FGD6: variants seen among roughly 807,000 people sequenced by gnomAD.
FGD6 encodes the protein FYVE, RhoGEF and PH domain containing 6.
FGD6 carries 90 observed loss-of-function variants against 149.4 expected under a neutral mutation model. That is an observed-to-expected ratio of 0.60 (90% CI 0.51 to 0.72). The LOEUF (loss-of-function observed/expected upper bound fraction) is 0.72, where lower values mean the gene tolerates loss of function less well. Among genes scored for constraint, FGD6 ranks in the 30% least tolerant of loss-of-function variants. The pLI, the probability that FGD6 is intolerant of heterozygous loss-of-function variation, is 0.00. For synonymous variants in FGD6, 527 were observed against 584.0 expected (o/e 0.90, Z 1.41); for missense variants, 1,437 against 1,684.8 (o/e 0.85, Z 2.57).
intron 17 of FGD6, among the ~76,000 whole-genome samples, chr12:95,091,404 G>A (rs2136233423): frequency 6.6e-6 from 1 of 152,316 alleles, no homozygotes; most frequent in Admixed American, 6.5e-5. Flanking sequence ...ACTATCATGT[G>A]AAACTATAGA....
chr12:95,129,311 GCATC>G (rs71435749), intron 8 of FGD6, among the ~76,000 whole-genome samples: 1,277 of 105,348 alleles, frequency 0.012, 12 homozygotes, highest in African/African-American at 0.02. Flanking sequence ...ATGCATGCAT[GCATC>G]CATCCATCCA....
At chr12:95,216,927 T>C (rs1171007878) in intron 1 of FGD6, among the ~76,000 whole-genome samples, 1 of 152,236 alleles carries the variant, frequency 6.6e-6, no homozygotes, top group East Asian at 1.9e-4. Flanking sequence ...GTCCTCGCAC[T>C]GCTGGAGAGA....
intron 5 of FGD6, among the ~76,000 whole-genome samples, chr12:95,147,940 C>T (rs76545735): frequency 0.052 from 7,985 of 152,098 alleles, 285 homozygotes; most frequent in Non-Finnish European, 0.076. Context: ...CTCCACAAGT[C>T]CCTGAAGGCT....
At chr12:95,172,951 A>C (rs1881036358) in intron 2 of FGD6, among the ~76,000 whole-genome samples, 1 of 152,168 alleles carries the variant, frequency 6.6e-6, no homozygotes. Flanking sequence ...TGAATTTTTA[A>C]TGTTAAGAAG....
chr12:95,145,978 A>G (rs1365577837), intron 5 of FGD6, among the ~76,000 whole-genome samples: 2 of 152,084 alleles, frequency 1.3e-5, no homozygotes, highest in Admixed American at 6.6e-5. Flanking sequence ...CAGGCCCCCT[A>G]TGCCATTGTG....
chr12:95,182,257 T>C (rs1228138292), intron 2 of FGD6, among the ~76,000 whole-genome samples: 1 of 147,442 alleles, frequency 6.8e-6, no homozygotes, highest in African/African-American at 2.5e-5. Context: ...AGCTGGAGTG[T>C]AGTGGCATGA....
chr12:95,122,475 G>A (rs548979033), intron 8 of FGD6, among the ~76,000 whole-genome samples: 2 of 151,318 alleles, frequency 1.3e-5, no homozygotes, highest in South Asian at 2.1e-4. Context: ...GTGAAACCCC[G>A]TCTCTACTAA....
rs1396491201 is a variant in FGD6 at position 95,113,713 on chromosome 12, GA to G, written c.3083-13del. On this transcript the variant is annotated splice_polypyrimidine_tract_variant and intron_variant, in intron 8 of 20. Coordinates refer to ENST00000343958, the MANE Select transcript of FGD6 (RefSeq NM_018351.4). ...ATTCTTCAAATAATCTAGAAAAGAAGAAAAAAAAGTATTTAAGTACAATAAA... is the reference window on the plus strand; with the variant it reads ...ATTCTTCAAATAATCTAGAAAAGAAGAAAAAAAGTATTTAAGTACAATAAA... 1.3e-5 allele frequency: 20 copies of G among 1,542,486 alleles called. No individual in the cohort carries two copies. Among genetic ancestry groups the G allele is most frequent in the Admixed American group, 7.9e-5 (4 of 50,828 alleles).
At position 95,210,348 on chromosome 12, in the gene FGD6, A is replaced by T. The variant is rs200276696; in HGVS notation, c.936T>A (p.Phe312Leu). The T allele has an allele frequency of 1.2e-6, 2 of 1,613,776 alleles. No homozygotes were observed. Among genetic ancestry groups the T allele is most frequent in the East Asian group, 4.5e-5 (2 of 44,874 alleles). The change falls in exon 2 of 21, where the codon TTT (phenylalanine) becomes TTA (leucine). Residue 312 changes from phenylalanine to leucine, a missense_variant. Phe to Leu is a conservative substitution (Grantham distance 22). Coordinates refer to ENST00000343958, the MANE Select transcript of FGD6 (RefSeq NM_018351.4). ...GTGTCTTTCTGGGCTTGGGAGTTGG[A>T]AATTTTGGGGTATATGGTACTAAAT... ...EIHLVPYTPK[F>L]PTPKPRKTRT... is the part of the protein sequence containing the mutation.
Position 95,117,669 on chromosome 12 carries a change from C to T in FGD6, c.3083-3968G>A, listed in dbSNP as rs78935191. Reference sequence around the variant, plus strand: ...CTTGAACTCCTGAACTCAAGTGATTCTCTCACCCTGGCCTCCCAAAGTGCT... The same window carrying T: ...CTTGAACTCCTGAACTCAAGTGATTTTCTCACCCTGGCCTCCCAAAGTGCT... On this transcript the variant is annotated intron_variant, in intron 8 of 20. Coordinates refer to ENST00000343958, the MANE Select transcript of FGD6 (RefSeq NM_018351.4). 5.5e-3 allele frequency among the ~76,000 whole-genome samples: 838 copies of T among 152,302 alleles called. 42 individuals are homozygous for T. In the East Asian group the frequency reaches 0.14, roughly 25 times the overall value.
intron 2 of FGD6, among the ~76,000 whole-genome samples, chr12:95,183,769 T>C (rs1409960003): frequency 1.3e-5 from 2 of 152,030 alleles, no homozygotes; most frequent in Non-Finnish European, 2.9e-5. Flanking sequence ...ACCCACAAGT[T>C]TGAAGCTGCA....
intron 13 of FGD6, 85 bp downstream of exon 13, chr12:95,106,869 G>C: frequency 1.8e-6 from 2 of 1,112,024 alleles, no homozygotes; most frequent in Admixed American, 3.7e-5. Flanking sequence ...ACTCCAGCCT[G>C]GGTGACAGAA....
chr12:95,148,276 A>G (rs1213802857), intron 5 of FGD6, among the ~76,000 whole-genome samples: 2 of 66,324 alleles, frequency 3.0e-5, no homozygotes, highest in Non-Finnish European at 5.2e-5. Flanking sequence ...TATTCCTTTT[A>G]CAATGCAAAA....
At chr12:95,107,509 C>A in intron 12 of FGD6, 54 bp downstream of exon 12, 11 of 1,578,964 alleles carry the variant, frequency 7.0e-6, no homozygotes, top group Non-Finnish European at 9.6e-6. Flanking sequence ...CGTCTCCTTT[C>A]CTTAAGCAAC....
At chr12:95,140,734 C>T (rs1297838842) in intron 6 of FGD6, among the ~76,000 whole-genome samples, 2 of 152,172 alleles carry the variant, frequency 1.3e-5, no homozygotes, top group Non-Finnish European at 2.9e-5. Context: ...GTAAATAAAA[C>T]ATTTAGAAAC....
chr12:95,083,015 ATAT>A, intron 20 of FGD6, among the ~76,000 whole-genome samples: 3 of 77,214 alleles, frequency 3.9e-5, no homozygotes, highest in Admixed American at 1.4e-4. Context: ...AAAAAAAAAT[ATAT>A]ATATATATAT....
intron 3 of FGD6, among the ~76,000 whole-genome samples, chr12:95,171,142 A>G (rs774436157): frequency 2.0e-5 from 3 of 152,208 alleles, no homozygotes; most frequent in Admixed American, 6.5e-5. Context: ...TTTAGTCCCA[A>G]AAGGTTAAAT....
intron 8 of FGD6, among the ~76,000 whole-genome samples, chr12:95,119,817 G>A (rs889009005): frequency 9.2e-5 from 14 of 152,344 alleles, no homozygotes; most frequent in Admixed American, 7.8e-4. Context: ...CTACTCGGGA[G>A]GTGGAGGCAG....
At chr12:95,122,206 G>A (rs181078213) in intron 8 of FGD6, among the ~76,000 whole-genome samples, 97 of 152,224 alleles carry the variant, frequency 6.4e-4, no homozygotes, top group South Asian at 1.2e-3. Context: ...AGTTTAATGA[G>A]AATATGTAAT....
Sources: allele counts gnomAD v4.1 joint callset (sites outside exome capture counted in the v4.1 genomes callset), GRCh38; gene constraint gnomAD v4.1.1; transcripts MANE v1.5; gene names NCBI Gene and HGNC (gene_info 2026-07-23, HGNC 2026-07-21).